The following ERG variants were observed in gnomAD, a reference collection of about 807,000 sequenced individuals.
ERG encodes transcriptional regulator ERG.
Under a neutral mutation model 55.3 loss-of-function variants are expected in ERG, and 9 were observed. The ratio of observed to expected loss-of-function variants is 0.16; its 90% CI spans 0.10 to 0.28. The LOEUF (loss-of-function observed/expected upper bound fraction) is 0.28. Among genes scored for constraint, ERG ranks in the 10% least tolerant of loss-of-function variants. The pLI is 1.00. For missense variants in ERG, 434 were observed against 631.6 expected (o/e 0.69, Z 3.35); for synonymous variants, 223 against 237.3 (o/e 0.94, Z 0.55).
Position 38,528,101 on chromosome 21 carries a change from G to A in ERG, c.-41+47561C>T, listed in dbSNP as rs540662486. Among the ~76,000 whole-genome samples, 1,415 of 152,148 alleles carry A rather than the reference G, an allele frequency of 9.3e-3. 10 individuals are homozygous for A. The highest frequency in any genetic ancestry group is 0.016 in the Non-Finnish European group (1,069 of 68,002). ...CTGCTGCAGTCTTTGGTGTTCCTTG[G>A]CTTATAGAAGCATCATCCCAATCTC... On this transcript the variant is annotated intron_variant, in intron 2 of 8. Transcript: ENST00000398897.
At chr21:38,436,068 G>A (rs566998027) in intron 2 of ERG, among the ~76,000 whole-genome samples, 5 of 136,212 alleles carry the variant, frequency 3.7e-5, no homozygotes, top group African/African-American at 1.4e-4. Flanking sequence ...TGCCTAGGCT[G>A]GAGTGCAATG....
chr21:38,437,805 C>T (rs1157013195), intron 2 of ERG, among the ~76,000 whole-genome samples: 10 of 152,174 alleles, frequency 6.6e-5, no homozygotes, highest in Non-Finnish European at 1.5e-4. Flanking sequence ...CCCTCCCTTG[C>T]TACCACTCTC....
chr21:38,368,542 T>C, the ERG span, among the ~76,000 whole-genome samples: 2 of 152,164 alleles, frequency 1.3e-5, no homozygotes, highest in African/African-American at 4.8e-5. Context: ...AGGCCCCAAC[T>C]CCAACACTGG....
At chr21:38,618,322 A>C (rs541814175) in intron 1 of ERG, among the ~76,000 whole-genome samples, 45 of 152,366 alleles carry the variant, frequency 3.0e-4, no homozygotes, top group African/African-American at 1.0e-3. Context: ...AAATGAAAAC[A>C]GGAAGATCAG....
chr21:38,429,612 T>C lies in ERG; in HGVS notation c.237-6051A>G, dbSNP rs56364434. On this transcript the variant is annotated intron_variant, in intron 2 of 9. Transcript: ENST00000288319. ...GTGTATATGTACATGTATACACATG[T>C]ACATATATACATATGTGTATATATA... Among the ~76,000 whole-genome samples the C allele has an allele frequency of 2.3e-5, 3 of 131,408 alleles. 1 individual carries two copies. Among genetic ancestry groups the C allele is most frequent in the African/African-American group, 5.5e-5 (2 of 36,668 alleles). 86.2% of individuals were successfully genotyped at this position (131,408 alleles called of 152,430 possible).
At chr21:38,609,193 T>A (rs1167345327) in intron 1 of ERG, among the ~76,000 whole-genome samples, 1 of 152,168 alleles carries the variant, frequency 6.6e-6, no homozygotes, top group African/African-American at 2.4e-5. Context: ...CAAACGTGGA[T>A]GAAGGCAAAG....
chr21:38,490,975 A>T (rs1357435597), intron 1 of ERG, among the ~76,000 whole-genome samples: 1 of 152,180 alleles, frequency 6.6e-6, no homozygotes, highest in Non-Finnish European at 1.5e-5. Context: ...TTCAACCTTC[A>T]TGTTTTTGAT....
chr21:38,559,885 G>A (rs374732119), intron 2 of ERG, among the ~76,000 whole-genome samples: 1 of 152,160 alleles, frequency 6.6e-6, no homozygotes, highest in Non-Finnish European at 1.5e-5. Flanking sequence ...GTTTCACCAT[G>A]TTGGTCAGGC....
chr21:38,534,844 A>G (rs1298867053), intron 2 of ERG, among the ~76,000 whole-genome samples: 2 of 152,216 alleles, frequency 1.3e-5, no homozygotes, highest in Non-Finnish European at 2.9e-5. Context: ...AGATGAATGA[A>G]TAAACAAAAT....
At chr21:38,604,362 G>A (rs1012676828) in intron 1 of ERG, among the ~76,000 whole-genome samples, 3 of 151,776 alleles carry the variant, frequency 2.0e-5, no homozygotes, top group African/African-American at 7.3e-5. Context: ...ATCTATTATG[G>A]AATAAATAGG....
At chr21:38,541,530 T>C (rs1394230165) in intron 2 of ERG, among the ~76,000 whole-genome samples, 1 of 152,208 alleles carries the variant, frequency 6.6e-6, no homozygotes, top group East Asian at 1.9e-4. Context: ...TACTGCTAAA[T>C]TTATCTCAAA....
chr21:38,458,704 T>C (rs1199096458), intron 1 of ERG, among the ~76,000 whole-genome samples: 1 of 152,134 alleles, frequency 6.6e-6, no homozygotes, highest in Non-Finnish European at 1.5e-5. Flanking sequence ...AGTCGTGTGT[T>C]GGTCTGGGTG....
intron 1 of ERG, among the ~76,000 whole-genome samples, chr21:38,612,162 G>A (rs2060231505): frequency 1.3e-5 from 2 of 152,252 alleles, no homozygotes; most frequent in East Asian, 3.9e-4. Context: ...TGAATGTGAC[G>A]CGTTCCAGTT....
At chr21:38,421,834 T>TA (rs1989557576) in intron 3 of ERG, among the ~76,000 whole-genome samples, 1 of 152,158 alleles carries the variant, frequency 6.6e-6, no homozygotes, top group African/African-American at 2.4e-5. Flanking sequence ...AAGAGGATAA[T>TA]AAGAAAACTT....
chr21:38,614,025 C>T (rs1329138495), intron 1 of ERG, among the ~76,000 whole-genome samples: 3 of 152,140 alleles, frequency 2.0e-5, no homozygotes, highest in African/African-American at 7.2e-5. Context: ...TGGAGATCAT[C>T]CCACTCCACT....
At chr21:38,376,386 GCT>G (rs1184949669), downstream of ERG, among the ~76,000 whole-genome samples, 1 of 152,144 alleles carries the variant, frequency 6.6e-6, no homozygotes, top group Non-Finnish European at 1.5e-5. Flanking sequence ...CACCACTTCC[GCT>G]CTCTTTCACA....
At chr21:38,407,486 G>A (rs1426034099) in intron 3 of ERG, among the ~76,000 whole-genome samples, 2 of 151,752 alleles carry the variant, frequency 1.3e-5, no homozygotes, top group Non-Finnish European at 2.9e-5. Context: ...GTCACTGAGG[G>A]AAAGGAGATG....
At chr21:38,403,857 T>A in intron 3 of ERG, 148 bp from the exon 4 acceptor site, 1 of 692,038 alleles carries the variant, frequency 1.4e-6, no homozygotes, top group Non-Finnish European at 2.5e-6. Flanking sequence ...GGAGAACATT[T>A]TGGGGGAAAG....
chr21:38,590,729 T>A (rs560194616), intron 1 of ERG, among the ~76,000 whole-genome samples: 2 of 152,326 alleles, frequency 1.3e-5, no homozygotes, highest in South Asian at 4.1e-4. Context: ...CCATACGCAC[T>A]GAGTTCCCTC....
Sources: allele counts gnomAD v4.1 joint callset (sites outside exome capture counted in the v4.1 genomes callset), GRCh38; gene constraint gnomAD v4.1.1; transcripts MANE v1.5; gene names NCBI Gene and HGNC (gene_info 2026-07-23, HGNC 2026-07-21).